NAV3: variants seen among roughly 807,000 people sequenced by gnomAD.
NAV3 encodes neuron navigator 3.
A neutral mutation model predicts 244.7 loss-of-function variants in NAV3; 87 were observed. The observed-to-expected ratio is 0.36, with a 90% confidence interval of 0.30 to 0.42. The LOEUF is 0.42. Among genes scored for constraint, NAV3 ranks in the 20% least tolerant of loss-of-function variants. The probability of loss-of-function intolerance (pLI) is 1.00; values close to 1 mark genes in which losing one functional copy is unlikely to be tolerated. For synonymous variants in NAV3, 1,126 were observed against 1,042.2 expected, an observed-to-expected ratio of 1.08 and a Z score of -1.55; for missense variants, 2,663 against 2,893.3, an observed-to-expected ratio of 0.92 and a Z score of 1.83.
At chr12:77,685,473 G>GCACACACACA (rs778398842) in intron 2 of NAV3, among the ~76,000 whole-genome samples, 734 of 42,662 alleles carry the variant, frequency 0.017, 12 homozygotes, top group African/African-American at 0.032. Flanking sequence ...GCATACACAT[G>GCACACACACA]CACACACACA....
At chr12:77,812,049 A>T (rs1051782238) in intron 2 of NAV3, among the ~76,000 whole-genome samples, 130 of 152,280 alleles carry the variant, frequency 8.5e-4, no homozygotes, top group African/African-American at 3.0e-3. Context: ...ATTTTATTCT[A>T]TTCTTCTTGG....
intron 38 of NAV3, among the ~76,000 whole-genome samples, chr12:78,203,118 T>G (rs887911361): frequency 2.5e-4 from 38 of 152,116 alleles, no homozygotes; most frequent in African/African-American, 9.2e-4. Flanking sequence ...TCTTAACTAG[T>G]CAGCTATCAA....
intron 12 of NAV3, among the ~76,000 whole-genome samples, chr12:78,085,685 G>A (rs1359192086): frequency 6.6e-6 from 1 of 152,074 alleles, no homozygotes; most frequent in Non-Finnish European, 1.5e-5. Flanking sequence ...AGGAGGAGAT[G>A]TCAGGCAGGC....
intron 1 of NAV3, among the ~76,000 whole-genome samples, chr12:77,891,973 A>T (rs1883992451): frequency 6.6e-6 from 1 of 152,140 alleles, no homozygotes. Context: ...GTGGGGAGGG[A>T]AGTCATTTCT....
intron 20 of NAV3, among the ~76,000 whole-genome samples, chr12:78,140,814 A>T (rs1028452012): frequency 1.5e-5 from 2 of 132,258 alleles, no homozygotes; most frequent in South Asian, 4.5e-4. Context: ...GCATAAAAGA[A>T]CCAGAGATGT....
intron 2 of NAV3, among the ~76,000 whole-genome samples, chr12:77,777,275 A>G (rs1870410139): frequency 6.6e-6 from 1 of 152,222 alleles, no homozygotes; most frequent in South Asian, 2.1e-4. Flanking sequence ...AATGAAATAT[A>G]TATACAATAT....
chr12:78,052,025 A>T (rs916865570), intron 11 of NAV3, among the ~76,000 whole-genome samples: 2 of 152,168 alleles, frequency 1.3e-5, no homozygotes, highest in African/African-American at 4.8e-5. Context: ...GCTATGTCTG[A>T]CTTCAAACAC....
chr12:77,663,443 T>A (rs898304743), intron 2 of NAV3, among the ~76,000 whole-genome samples: 1 of 150,912 alleles, frequency 6.6e-6, no homozygotes, highest in Non-Finnish European at 1.5e-5. Context: ...CAAAAAGATA[T>A]AACCTGCAAA....
chr12:77,732,890 A>G (rs1190762054), intron 2 of NAV3, among the ~76,000 whole-genome samples: 1 of 152,056 alleles, frequency 6.6e-6, no homozygotes, highest in African/African-American at 2.4e-5. Flanking sequence ...GCTGGAGCAT[A>G]GATGTATGAT....
chr12:78,172,707 T>C (rs141294867), intron 24 of NAV3, among the ~76,000 whole-genome samples: 1 of 151,638 alleles, frequency 6.6e-6, no homozygotes, highest in Non-Finnish European at 1.5e-5. Context: ...AGGCGGAAAA[T>C]AAATTAGTTC....
intron 22 of NAV3, among the ~76,000 whole-genome samples, chr12:78,154,147 T>C (rs2139313729): frequency 7.0e-6 from 1 of 142,274 alleles, no homozygotes; most frequent in Admixed American, 7.5e-5. Flanking sequence ...TGTGTATATA[T>C]GTATATATAT....
At chr12:77,869,104 C>A (rs747444197) in intron 1 of NAV3, among the ~76,000 whole-genome samples, 1 of 151,824 alleles carries the variant, frequency 6.6e-6, no homozygotes, top group African/African-American at 2.4e-5. Context: ...GCTGAGGACG[C>A]GAGGATTAAT....
intron 1 of NAV3, among the ~76,000 whole-genome samples, chr12:77,932,979 A>G (rs901707977): frequency 1.3e-5 from 2 of 152,028 alleles, no homozygotes; most frequent in Non-Finnish European, 2.9e-5. Context: ...CTTCCTTCTG[A>G]TTGTCAAATC....
At chr12:78,058,435 C>G (rs752630775) in intron 11 of NAV3, among the ~76,000 whole-genome samples, 13 of 152,140 alleles carry the variant, frequency 8.5e-5, no homozygotes, top group Non-Finnish European at 1.8e-4. Flanking sequence ...ATTCAGTTAT[C>G]TCTATCTGCC....
At chr12:78,132,276 A>G (rs1243835866) in intron 18 of NAV3, among the ~76,000 whole-genome samples, 1 of 152,200 alleles carries the variant, frequency 6.6e-6, no homozygotes, top group Non-Finnish European at 1.5e-5. Context: ...TAGAGCTTTA[A>G]TGTTCTAATG....
At chr12:77,627,457 A>T (rs1871686584) in intron 2 of NAV3, among the ~76,000 whole-genome samples, 1 of 152,142 alleles carries the variant, frequency 6.6e-6, no homozygotes, top group Admixed American at 6.5e-5. Context: ...AAATACAAAG[A>T]TCGCTGGAGA....
At chr12:77,979,218 A>G (rs1869074339) in intron 5 of NAV3, among the ~76,000 whole-genome samples, 1 of 57,684 alleles carries the variant, frequency 1.7e-5, no homozygotes, top group African/African-American at 6.6e-5. Context: ...TACAAAAAAT[A>G]CAATACAAAA....
At chr12:78,124,829 T>C (rs943294848) in intron 16 of NAV3, among the ~76,000 whole-genome samples, 1 of 152,158 alleles carries the variant, frequency 6.6e-6, no homozygotes, top group Non-Finnish European at 1.5e-5. Context: ...AAAATAAACT[T>C]TAAACTAATT....
chr12:77,822,561 G>T (rs1450079921), intron 2 of NAV3, among the ~76,000 whole-genome samples: 2 of 152,106 alleles, frequency 1.3e-5, no homozygotes, highest in Non-Finnish European at 2.9e-5. Flanking sequence ...TGTCTTATGT[G>T]TTAGAAGCCA....
Sources: allele counts gnomAD v4.1 joint callset (sites outside exome capture counted in the v4.1 genomes callset), GRCh38; gene constraint gnomAD v4.1.1; transcripts MANE v1.5; gene names NCBI Gene and HGNC (gene_info 2026-07-23, HGNC 2026-07-21).